The following DOK7 variants were observed in gnomAD, a reference collection of about 807,000 sequenced individuals.
DOK7 encodes protein Dok-7.
DOK7 carries 32 observed loss-of-function variants against 30.7 expected under a neutral mutation model. That is an observed-to-expected ratio of 1.04 (90% CI 0.79 to 1.40). The LOEUF (loss-of-function observed/expected upper bound fraction) is 1.40, where lower values mean the gene tolerates loss of function less well. Ranked by LOEUF, DOK7 falls within the 40% of genes most tolerant of loss-of-function variation. The pLI is 0.00. For synonymous variants in DOK7, 447 were observed against 324.1 expected, an observed-to-expected ratio of 1.38 and a Z score of -4.07; for missense variants, 1,007 against 699.2, an observed-to-expected ratio of 1.44 and a Z score of -4.97.
chr4:3,500,511 C>T, intron 7 of DOK7: 1 of 1,481,464 alleles, frequency 6.8e-7, no homozygotes, highest in African/African-American at 1.4e-5. Flanking sequence ...GGGAGCTTTT[C>T]CTACAGCCTC....
chr4:3,487,264 C>A (rs114976581), intron 5 of DOK7, among the ~76,000 whole-genome samples: 3 of 152,136 alleles, frequency 2.0e-5, no homozygotes, highest in Non-Finnish European at 2.9e-5. Context: ...GGCAGCACCC[C>A]ACCAGAGAAG....
At chr4:3,478,898 G>A (rs915919062) in intron 4 of DOK7, among the ~76,000 whole-genome samples, 4 of 152,194 alleles carry the variant, frequency 2.6e-5, no homozygotes, top group South Asian at 2.1e-4. Context: ...AGTGCAGGCC[G>A]TCTGGCTGGA....
chr4:3,490,627 CT>C (rs1728282320), intron 6 of DOK7, among the ~76,000 whole-genome samples: 1 of 6,196 alleles, frequency 1.6e-4, no homozygotes, highest in African/African-American at 1.6e-3. Flanking sequence ...CATTCCTTCC[CT>C]CTCCGCCTGC....
At position 3,474,370 on chromosome 4, in the gene DOK7, G is replaced by A. The variant is rs115063090; in HGVS notation, c.331+734G>A. On this transcript the variant is annotated intron_variant, in intron 3 of 6. Coordinates refer to ENST00000340083, the MANE Select transcript of DOK7 (RefSeq NM_173660.5). ...CCCAATAATCCCAGCAGCCACAGCT[G>A]CCCTCCCTTTAAAAACTTGCTATTT... 7.0e-3 allele frequency among the ~76,000 whole-genome samples: 1,066 copies of A among 152,306 alleles called. 7 individuals are homozygous for A. The highest frequency in any genetic ancestry group is 0.025 in the African/African-American group (1,027 of 41,570).
intron 3 of DOK7, among the ~76,000 whole-genome samples, chr4:3,475,005 T>G (rs1726982460): frequency 6.6e-6 from 1 of 152,236 alleles, no homozygotes; most frequent in African/African-American, 2.4e-5. Flanking sequence ...TCCTGGCCCT[T>G]GATGGCTGAG....
chr4:3,496,894 G>C, downstream of DOK7: 3 of 1,534,028 alleles, frequency 2.0e-6, no homozygotes. Flanking sequence ...CCCAGAGCTC[G>C]GGGACAGGAA....
intron 2 of DOK7, among the ~76,000 whole-genome samples, chr4:3,472,177 GGCACGGCTGGGGAGGGAAGCTGA>G (rs1367915655): frequency 6.6e-6 from 1 of 152,248 alleles, no homozygotes; most frequent in Non-Finnish European, 1.5e-5. Context: ...CGGGGAGGTG[GGCACGGCTGGGGAGGGAAGCTGA>G]GCACCATGTC....
chr4:3,476,729 G>C (rs888073726), intron 4 of DOK7, among the ~76,000 whole-genome samples, 187 bp downstream of exon 4: 1 of 152,238 alleles, frequency 6.6e-6, no homozygotes, highest in African/African-American at 2.4e-5. Flanking sequence ...GAACCTCAGT[G>C]TGGAGTGTCG....
At chr4:3,483,497 G>A (rs1010688074) in intron 4 of DOK7, among the ~76,000 whole-genome samples, 1 of 152,220 alleles carries the variant, frequency 6.6e-6, no homozygotes, top group African/African-American at 2.4e-5. Flanking sequence ...TGGATGATGG[G>A]GGTGGCTGGC....
At chr4:3,477,804 G>A (rs1471235995) in intron 4 of DOK7, among the ~76,000 whole-genome samples, 1 of 148,676 alleles carries the variant, frequency 6.7e-6, no homozygotes, top group Non-Finnish European at 1.5e-5. Flanking sequence ...CAGGGCCGCT[G>A]CCTATGCCAG....
intron 2 of DOK7, among the ~76,000 whole-genome samples, chr4:3,467,195 C>CCA (rs1553844936): frequency 2.0e-5 from 3 of 151,456 alleles, no homozygotes; most frequent in Admixed American, 6.6e-5. Context: ...GGACCCCCCC[C>CCA]ACTGCGTCCC....
intron 4 of DOK7, among the ~76,000 whole-genome samples, chr4:3,478,699 C>G (rs12644455): frequency 6.6e-6 from 1 of 152,020 alleles, no homozygotes; most frequent in African/African-American, 2.4e-5. Flanking sequence ...CGGTCACCGA[C>G]GGCTGCACAC....
chr4:3,476,406 C>T lies in DOK7; in HGVS notation c.396C>T (p.His132=), dbSNP rs779798129. The change falls in exon 4 of 7, where the codon CAC becomes CAT. Residue 132 remains histidine (H), a synonymous_variant. Coordinates refer to ENST00000340083, the MANE Select transcript of DOK7 (RefSeq NM_173660.5). ...TKLESGPATL[H]LCNDVLVLAR... ...TGGAGAGCGGCCCGGCTACCCTGCA[C>T]CTCTGCAATGATGTCCTCGTCTTGG... 8 of 1,613,326 alleles carry T rather than the reference C, an allele frequency of 5.0e-6. No homozygotes were observed. In the Admixed American group the frequency reaches 5.0e-5, roughly 10 times the overall value.
chr4:3,480,080 G>A (rs56032660), intron 4 of DOK7, among the ~76,000 whole-genome samples: 5 of 152,198 alleles, frequency 3.3e-5, no homozygotes, highest in Non-Finnish European at 7.3e-5. Context: ...CACAGACGGT[G>A]GTGGGCCCCA....
In DOK7 at chr4:3,489,713, G is replaced by A. The variant is rs760941977; in HGVS notation, c.689G>A (p.Arg230His). The A allele has an allele frequency of 2.0e-5, 31 of 1,564,462 alleles. No homozygotes were observed. Among genetic ancestry groups the A allele is most frequent in the Middle Eastern group, 1.7e-4 (1 of 5,990 alleles). Residue 230 changes from arginine (R) to histidine (H), a missense_variant, in exon 6 of 7, where the codon CGT (arginine) becomes CAT (histidine). Arg to His is a conservative substitution (Grantham distance 29). Transcript: ENST00000340083. Reference protein sequence around the residue: ...SPPGPSTVEERVAQEALETLQ... With the variant: ...SPPGPSTVEEHVAQEALETLQ... ...CCGGGACCCTCGACTGTGGAGGAGC[G>A]TGTGGCCCAGGAAGCCCTGGAAACC... is the stretch of plus-strand genomic sequence containing the variant.
exon 7 of DOK7, chr4:3,500,256 C>T: frequency 6.5e-7 from 1 of 1,535,640 alleles, no homozygotes; most frequent in South Asian, 1.2e-5. Flanking sequence ...CACAGGATCC[C>T]CAGGACCCGT....
Position 3,500,856 on chromosome 4 carries a change from C to T in DOK7, c.*31C>T, listed in dbSNP as rs564408966. 1,156 of 1,511,006 alleles carry T rather than the reference C, an allele frequency of 7.7e-4. 14 individuals carry two copies. In the South Asian group the frequency reaches 0.01, roughly 13 times the overall value. 93.6% of individuals were successfully genotyped at this position (1,511,006 alleles called of 1,614,324 possible). A position where few individuals can be genotyped will look rare whatever the true frequency, so the allele number is the denominator to read the frequency against. The stretch of plus-strand genomic sequence containing the variant: ...CAGCGCCAGGAGCTGACCGCAAACC[C>T]GGTGCGCTGTGCGGCCCCGTGGCCC... On this transcript the variant is annotated 3_prime_UTR_variant, in exon 8 of 8. Coordinates refer to the DOK7 transcript ENST00000643608.
downstream of DOK7, among the ~76,000 whole-genome samples, chr4:3,499,263 G>A (rs781197387): frequency 6.6e-6 from 1 of 152,328 alleles, no homozygotes; most frequent in Non-Finnish European, 1.5e-5. Context: ...TGAATTCTGA[G>A]GGCTCGGAGT....
At chr4:3,494,758 G>A (rs894325801), downstream of DOK7, among the ~76,000 whole-genome samples, 5 of 152,248 alleles carry the variant, frequency 3.3e-5, no homozygotes, top group Non-Finnish European at 4.4e-5. Flanking sequence ...GGGGTCTGCA[G>A]TAGTCCCTCA....
Sources: allele counts gnomAD v4.1 joint callset (sites outside exome capture counted in the v4.1 genomes callset), GRCh38; gene constraint gnomAD v4.1.1; transcripts MANE v1.5; gene names NCBI Gene and HGNC (gene_info 2026-07-23, HGNC 2026-07-21).